Variants in PPTC7 observed in about 807,000 individuals in gnomAD.
The protein encoded by PPTC7 is protein phosphatase targeting COQ7, also known as protein phosphatase PTC7 homolog.
A neutral mutation model predicts 30.8 loss-of-function variants in PPTC7; 6 were observed. The observed-to-expected ratio is 0.19, with a 90% confidence interval of 0.11 to 0.38. The LOEUF (loss-of-function observed/expected upper bound fraction) is 0.38. PPTC7 is among the 10% of genes least tolerant of loss of function. The pLI, the probability that PPTC7 is intolerant of heterozygous loss-of-function variation, is 1.00. For synonymous variants in PPTC7, 163 were observed against 168.1 expected, an observed-to-expected ratio of 0.97 and a Z score of 0.23; for missense variants, 218 against 404.8, an observed-to-expected ratio of 0.54 and a Z score of 3.96.
chr12:110,559,797 G>C (rs2064423225), intron 1 of PPTC7, among the ~76,000 whole-genome samples: 1 of 151,500 alleles, frequency 6.6e-6, no homozygotes, highest in African/African-American at 2.4e-5. Flanking sequence ...CAGTGGTGTA[G>C]TAATAGCTCA....
chr12:110,546,482 G>A (rs1326099025), intron 2 of PPTC7: 5 of 184,524 alleles, frequency 2.7e-5, no homozygotes, highest in Non-Finnish European at 5.8e-5. Context: ...ACATTTTCCC[G>A]ACATTTCTTA....
chr12:110,549,588 AAG>A (rs1463329768), intron 2 of PPTC7, among the ~76,000 whole-genome samples: 3 of 152,198 alleles, frequency 2.0e-5, no homozygotes, highest in Non-Finnish European at 4.4e-5. Context: ...TAGGAGAAAA[AAG>A]TAATCACAAT....
intron 1 of PPTC7, among the ~76,000 whole-genome samples, chr12:110,564,534 C>A (rs2064464070): frequency 6.6e-6 from 1 of 152,062 alleles, no homozygotes; most frequent in African/African-American, 2.4e-5. Context: ...ATATCCTTGA[C>A]CTAACCCCAA....
chr12:110,554,590 G>A (rs958821009), intron 1 of PPTC7, among the ~76,000 whole-genome samples: 10 of 152,170 alleles, frequency 6.6e-5, no homozygotes, highest in Admixed American at 5.2e-4. Context: ...GGCCCAAAGA[G>A]TTGCTGATGA....
intron 1 of PPTC7, among the ~76,000 whole-genome samples, chr12:110,553,695 C>T (rs2064365743): frequency 1.3e-5 from 2 of 152,120 alleles, no homozygotes; most frequent in South Asian, 4.1e-4. Flanking sequence ...GGGAGGACTG[C>T]TTGAGCCCCA....
intron 1 of PPTC7, among the ~76,000 whole-genome samples, chr12:110,552,888 CCA>C (rs2064359353): frequency 6.6e-6 from 1 of 151,792 alleles, no homozygotes; most frequent in Non-Finnish European, 1.5e-5. Flanking sequence ...ACAAACAAAA[CCA>C]CACACAGTGG....
In PPTC7 at chr12:110,534,136, T is replaced by G. The variant is rs113830542; in HGVS notation, c.*2901A>C. 87 of 152,240 alleles carry G rather than the reference T, an allele frequency of 5.7e-4. No individual in the cohort carries two copies. The highest frequency in any genetic ancestry group is 1.9e-3 in the African/African-American group (79 of 41,542). 9.4% of individuals were successfully genotyped at this position (152,240 alleles called of 1,614,324 possible). A position where few individuals can be genotyped will look rare whatever the true frequency, so the allele number is the denominator to read the frequency against. ...TCCATTTGGTAAATTTTTTTTTTTTTTGTGCGCAGGCAGCTTAAGTTCATA... is the reference window on the plus strand; with the variant it reads ...TCCATTTGGTAAATTTTTTTTTTTTGTGTGCGCAGGCAGCTTAAGTTCATA... On this transcript the variant is annotated 3_prime_UTR_variant, in exon 6 of 6. Coordinates refer to ENST00000354300, the MANE Select transcript of PPTC7 (RefSeq NM_139283.2).
At chr12:110,566,532 C>T (rs553048842) in intron 1 of PPTC7, among the ~76,000 whole-genome samples, 1 of 152,280 alleles carries the variant, frequency 6.6e-6, no homozygotes, top group African/African-American at 2.4e-5. Context: ...GTGTGAGGAA[C>T]GAGGATAACC....
At chr12:110,572,460 C>CA (rs1458923927) in intron 1 of PPTC7, among the ~76,000 whole-genome samples, 2 of 151,930 alleles carry the variant, frequency 1.3e-5, no homozygotes, top group Non-Finnish European at 2.9e-5. Context: ...AAACAAAAAA[C>CA]AAAAAAGATA....
At position 110,553,274 on chromosome 12, in the gene PPTC7, C is replaced by T. The variant is rs1005102255; in HGVS notation, c.224-1306G>A. ...AAGGGATTCTCCTGCCTCAGCCTCC[C>T]GAGTAGCTGAGACTACAGGTGCGTG... On this transcript the variant is annotated intron_variant, in intron 1 of 5. Transcript: ENST00000354300. Among the ~76,000 whole-genome samples the T allele has an allele frequency of 2.6e-5, 4 of 151,566 alleles. No individual in the cohort carries two copies. The South Asian group carries it at 6.2e-4, about 24-fold the overall frequency.
In PPTC7 at chr12:110,536,429, T is replaced by C. The variant is rs751745450; in HGVS notation, c.*608A>G. 3.9e-5 allele frequency: 6 copies of C among 152,216 alleles called. No individual in the cohort carries two copies. Among genetic ancestry groups the C allele is most frequent in the African/African-American group, 7.2e-5 (3 of 41,456 alleles). 9.4% of individuals were successfully genotyped at this position (152,216 alleles called of 1,614,324 possible). On this transcript the variant is annotated 3_prime_UTR_variant, in exon 6 of 6. Transcript: ENST00000354300. ...CATCCATAGAACTAAAATGGATTTTTCTCCCGATTTGTAACAAAAAAGCTT... is the reference window on the plus strand; with the variant it reads ...CATCCATAGAACTAAAATGGATTTTCCTCCCGATTTGTAACAAAAAAGCTT...
At chr12:110,539,323 A>AT (rs1235464317) in intron 4 of PPTC7, among the ~76,000 whole-genome samples, 1 of 152,138 alleles carries the variant, frequency 6.6e-6, no homozygotes, top group Non-Finnish European at 1.5e-5. Flanking sequence ...AAAAAGACTC[A>AT]TTTTTCCCAG....
chr12:110,580,763 T>A (rs549649006), intron 1 of PPTC7, among the ~76,000 whole-genome samples: 19 of 152,204 alleles, frequency 1.2e-4, no homozygotes, highest in African/African-American at 4.1e-4. Context: ...TATTTTATTT[T>A]TTTTTTGAGA....
At chr12:110,581,044 G>A (rs559268163) in intron 1 of PPTC7, among the ~76,000 whole-genome samples, 2 of 152,020 alleles carry the variant, frequency 1.3e-5, no homozygotes, top group Non-Finnish European at 2.9e-5. Flanking sequence ...GCCACCACGC[G>A]CAGCCCAGCA....
intron 1 of PPTC7, among the ~76,000 whole-genome samples, chr12:110,563,557 G>T (rs1173945594): frequency 6.6e-6 from 1 of 152,124 alleles, no homozygotes; most frequent in Admixed American, 6.6e-5. Flanking sequence ...AGAGGTTGTG[G>T]TGAGCCGAGA....
intron 1 of PPTC7, among the ~76,000 whole-genome samples, chr12:110,556,225 A>G (rs1432761471): frequency 6.6e-6 from 1 of 152,226 alleles, no homozygotes; most frequent in Non-Finnish European, 1.5e-5. Context: ...TTACACGGGC[A>G]AAGGATGCCA....
intron 1 of PPTC7, among the ~76,000 whole-genome samples, chr12:110,575,607 CAAAAAAAAAAAA>C (rs55831249): frequency 1.2e-3 from 31 of 26,542 alleles, no homozygotes; most frequent in African/African-American, 2.9e-3. Flanking sequence ...AACCCCACCT[CAAAAAAAAAAAA>C]AAAAAAAAAA....
rs372110251 is a variant in PPTC7, at chr12:110,578,900, C to A, written c.223+3909G>T. ...GTGGCTCACACCTGTAATCCTAGCA[C>A]TTTGGGAGGCTGAGGCAGGTGGATG... On this transcript the variant is annotated intron_variant, in intron 1 of 5. Coordinates refer to ENST00000354300, the MANE Select transcript of PPTC7 (RefSeq NM_139283.2). 9.2e-5 allele frequency among the ~76,000 whole-genome samples: 14 copies of A among 152,286 alleles called. No homozygotes were observed. The East Asian group carries it at 2.7e-3, about 29-fold the overall frequency.
chr12:110,573,143 G>C lies in PPTC7; in HGVS notation c.223+9666C>G, dbSNP rs2064554056. ...GATCCACCTACTTTGGCCTCCCAAA[G>C]TGTTGGGATTATAGGCGTGAGCCAC... On this transcript the variant is annotated intron_variant, in intron 1 of 5. Transcript: ENST00000354300. Among the ~76,000 whole-genome samples the C allele has an allele frequency of 2.6e-5, 4 of 152,208 alleles. No individual in the cohort carries two copies. The South Asian group carries it at 8.3e-4, about 32-fold the overall frequency.
Sources: gnomAD v4.1 joint callset for allele counts (sites outside exome capture counted in the v4.1 genomes callset) on GRCh38, gnomAD v4.1.1 for gene constraint, MANE v1.5 for transcripts, NCBI Gene and HGNC (gene_info 2026-07-23, HGNC 2026-07-21) for gene names.